Variants in MFRP observed in about 807,000 individuals in gnomAD.
MFRP encodes the protein membrane frizzled-related protein.
In MFRP, 74 loss-of-function variants were observed where a neutral mutation model predicts 65.8. The ratio of observed to expected loss-of-function variants is 1.12; its 90% CI spans 0.93 to 1.36. The LOEUF is 1.36. MFRP is among the 40% of genes most tolerant of loss of function. MFRP has a pLI of 0.00. For synonymous variants in MFRP, 336 were observed against 288.3 expected (o/e 1.17, Z -1.68); for missense variants, 838 against 736.0 (o/e 1.14, Z -1.60).
chr11:119,339,243 AG>A lies in MFRP; in HGVS notation c.*1715del, dbSNP rs1358495672. The A allele has an allele frequency of 6.2e-6, 9 of 1,458,084 alleles. No individual in the cohort carries two copies. The East Asian group carries it at 1.6e-4, about 26-fold the overall frequency. 90.3% of individuals were successfully genotyped at this position (1,458,084 alleles called of 1,614,324 possible). A position where few individuals can be genotyped will look rare whatever the true frequency, so the allele number is the denominator to read the frequency against. ...CCTCCCTAGTCATTCACAATATTCCAGGGGGGCCAGCCCTCCTGGATGACCT... is the reference window on the plus strand; with the variant it reads ...CCTCCCTAGTCATTCACAATATTCCAGGGGGCCAGCCCTCCTGGATGACCT... On this transcript the variant is annotated 3_prime_UTR_variant, in exon 15 of 15. Coordinates refer to ENST00000619721, the MANE Select transcript of MFRP (RefSeq NM_031433.4). This position sits in a 1 kb window ranked among gnomAD's most constrained non-coding sequence, Gnocchi z 5.4.
At chr11:119,346,250 G>A (rs747828039) in intron 2 of MFRP, 22 bp downstream of exon 2, 4 of 1,597,530 alleles carry the variant, frequency 2.5e-6, no homozygotes, top group Non-Finnish European at 3.4e-6. Context: ...TCCTCCCCCA[G>A]GTCACCCCCT....
chr11:119,340,745 A>C lies in MFRP; in HGVS notation c.*803T>G, dbSNP rs1950495291. 2 of 319,322 alleles carry C rather than the reference A, an allele frequency of 6.3e-6. No individual in the cohort carries two copies. The highest frequency in any genetic ancestry group is 6.9e-5 in the South Asian group (2 of 28,848). 19.8% of individuals were successfully genotyped at this position (319,322 alleles called of 1,614,324 possible). On this transcript the variant is annotated 3_prime_UTR_variant, in exon 13 of 15. Coordinates refer to ENST00000619721, the MANE Select transcript of MFRP (RefSeq NM_031433.4). ...TCCTTCGGGGCGCTCGCTACTCCGG[A>C]CCCTCCAGTTGGTGGTGCTCCAGCC...
In MFRP at chr11:119,339,909, C is replaced by T; in HGVS notation, c.*1111-61G>A. The T allele has an allele frequency of 7.0e-7, 1 of 1,427,994 alleles. No individual in the cohort carries two copies. The highest frequency in any genetic ancestry group is 9.1e-7 in the Non-Finnish European group (1 of 1,097,730). The allele number at this position is 1,427,994 out of a possible 1,614,324, so 88.5% of individuals were successfully genotyped here. A position where few individuals can be genotyped will look rare whatever the true frequency, so the allele number is the denominator to read the frequency against. On this transcript the variant is annotated intron_variant, in intron 14 of 14. Coordinates refer to ENST00000619721, the MANE Select transcript of MFRP (RefSeq NM_031433.4). This position sits in a 1 kb window ranked among gnomAD's most constrained non-coding sequence, Gnocchi z 5.4. Reference sequence around the variant, plus strand: ...GGCGGCTCAGCCCGCAGCGGGGCGGCGACTCTAAGGTCACCGTACCCCTCC... The same window carrying T: ...GGCGGCTCAGCCCGCAGCGGGGCGGTGACTCTAAGGTCACCGTACCCCTCC...
intron 11 of MFRP, 42 bp downstream of exon 11, chr11:119,342,554 G>C (rs1459869171): frequency 4.3e-6 from 7 of 1,609,824 alleles, no homozygotes; most frequent in Non-Finnish European, 5.9e-6. Flanking sequence ...CTGTGAGGTG[G>C]GCACCCAGCC....
chr11:119,344,043 C>T, intron 8 of MFRP, 79 bp from the exon 9 acceptor site: 2 of 1,578,264 alleles, frequency 1.3e-6, no homozygotes, highest in Non-Finnish European at 1.7e-6. Context: ...TCTTCTTCCC[C>T]CACTGCTGGC....
rs766079913 is a variant in MFRP, at chr11:119,345,886, A to T, written c.314T>A (p.Leu105Gln). ...GGTCGTGGTAAGGCCTCCGGCAGGC[A>T]GTGGGCTATGGGACGCCCCAGATGG... ...APPSGASHSPLPAGGLTTTTT... is the reference protein window; with the variant it reads ...APPSGASHSPQPAGGLTTTTT... Residue 105 changes from leucine (L) to glutamine (Q), a missense_variant, in exon 4 of 15, where the codon CTG becomes CAG. Physicochemically the swap from Leu to Gln is moderately radical, Grantham distance 113. Transcript: ENST00000619721. 5.0e-6 allele frequency: 8 copies of T among 1,613,546 alleles called. No individual in the cohort carries two copies. The African/African-American group carries it at 1.1e-4, about 22-fold the overall frequency.
intron 9 of MFRP, among the ~76,000 whole-genome samples, chr11:119,343,516 CA>C (rs942452965): frequency 1.3e-5 from 2 of 151,472 alleles, no homozygotes; most frequent in East Asian, 1.9e-4. Flanking sequence ...CACTCTGCCT[CA>C]AAAAAAGAAG....
intron 10 of MFRP, 50 bp from the exon 11 acceptor site, chr11:119,342,777 A>G (rs371250038): frequency 1.2e-5 from 19 of 1,612,970 alleles, no homozygotes; most frequent in Admixed American, 3.3e-5. Flanking sequence ...CTACACCCCC[A>G]GTACCCCCAG....
rs1950504362 is a variant in MFRP, at chr11:119,341,699, G to A, written c.1589C>T (p.Pro530Leu). 6.2e-7 allele frequency: 1 copy of A among 1,613,160 alleles called. No individual in the cohort carries two copies. The highest frequency in any genetic ancestry group is 8.5e-7 in the Non-Finnish European group (1 of 1,180,026). The change falls in exon 13 of 15, where the codon CCA (proline) becomes CTA (leucine). Residue 530 changes from proline (P) to leucine (L), a missense_variant. By Grantham distance (98) the Pro-to-Leu change is moderately conservative. Coordinates refer to ENST00000619721, the MANE Select transcript of MFRP (RefSeq NM_031433.4). Reference sequence around the variant, plus strand: ...GCAAGGGGGCAGAACACTGCCTAGTGGGGTGCAACGGGGCACAAGCAGCCC... The same window carrying A: ...GCAAGGGGGCAGAACACTGCCTAGTAGGGTGCAACGGGGCACAAGCAGCCC... ...LCGLLVPRCT[P>L]LGSVLPPCRS...
chr11:119,341,832 C>T, intron 12 of MFRP, 25 bp downstream of exon 12: 1 of 1,613,744 alleles, frequency 6.2e-7, no homozygotes, highest in Non-Finnish European at 8.5e-7. Flanking sequence ...CCCAGGCCCG[C>T]CCTCCTTCCC....
chr11:119,345,519 G>T lies in MFRP; in HGVS notation c.542C>A (p.Ala181Glu). 6.2e-7 allele frequency: 1 copy of T among 1,614,128 alleles called. No homozygotes were observed. The highest frequency in any genetic ancestry group is 8.5e-7 in the Non-Finnish European group (1 of 1,180,036). The part of the protein sequence containing the change: ...VWHIQVATDH[A>E]IQLKIEALSI... ...GAGGGCTTCGATCTTGAGCTGTATTGCATGGTCTGTGGCCACCTGGATATG... is the reference window on the plus strand; with the variant it reads ...GAGGGCTTCGATCTTGAGCTGTATTTCATGGTCTGTGGCCACCTGGATATG... Residue 181 changes from alanine (A) to glutamate (E), a missense_variant, in exon 5 of 15, where the codon GCA becomes GAA. Transcript: ENST00000619721.
intron 12 of MFRP, 39 bp from the exon 13 acceptor site, chr11:119,341,811 G>A: frequency 6.2e-7 from 1 of 1,613,488 alleles, no homozygotes. Context: ...CTGCTCCCAG[G>A]CTCCTCCCCT....
chr11:119,340,996 C>T lies in MFRP; in HGVS notation c.*552G>A, dbSNP rs190897457. On this transcript the variant is annotated 3_prime_UTR_variant, in exon 13 of 15. Coordinates refer to ENST00000619721, the MANE Select transcript of MFRP (RefSeq NM_031433.4). ...GAGGGGGAGAGAGACTTGAGCTGGGCACAGAGAGGCAGAACTTCGAGAGAC... is the reference window on the plus strand; with the variant it reads ...GAGGGGGAGAGAGACTTGAGCTGGGTACAGAGAGGCAGAACTTCGAGAGAC... 3.1e-4 allele frequency: 56 copies of T among 178,700 alleles called. No homozygotes were observed. Among genetic ancestry groups the T allele is most frequent in the Admixed American group, 9.1e-4 (16 of 17,514 alleles). The allele number at this position is 178,700 out of a possible 1,614,324, so 11.1% of individuals were successfully genotyped here.
Position 119,346,259 on chromosome 11 carries a change from CT to C in MFRP, c.157+12del, listed in dbSNP as rs755864543. The C allele has an allele frequency of 1.2e-6, 2 of 1,607,234 alleles. No homozygotes were observed. Among genetic ancestry groups the C allele is most frequent in the African/African-American group, 2.7e-5 (2 of 74,840 alleles). ...TCTCTGTCCTCCCCCAGGTCACCCC[CT>C]GGGATGGTTACCATGCCAGGGAGCT... On this transcript the variant is annotated intron_variant, in intron 2 of 14. Coordinates refer to ENST00000619721, the MANE Select transcript of MFRP (RefSeq NM_031433.4).
chr11:119,343,430 G>A lies in MFRP; in HGVS notation c.1124+386C>T, dbSNP rs562928463. On this transcript the variant is annotated intron_variant, in intron 9 of 14. Transcript: ENST00000619721. ...TACTTAGGAGGCTGAGGTGGAAGGA[G>A]CACTTGAAGCTGGGAGGTTGAGGCA... is the stretch of plus-strand genomic sequence containing the variant. Among the ~76,000 whole-genome samples the A allele has an allele frequency of 3.9e-5, 6 of 152,312 alleles. No homozygotes were observed. In the South Asian group the frequency reaches 8.3e-4, roughly 21 times the overall value.
chr11:119,342,566 G>A (rs561701695), intron 11 of MFRP, 30 bp downstream of exon 11: 3 of 1,611,880 alleles, frequency 1.9e-6, no homozygotes, highest in African/African-American at 2.7e-5. Flanking sequence ...CACCCAGCCT[G>A]CTCAGGGTCC....
In MFRP at chr11:119,342,948, C is replaced by T. The variant is rs769294778; in HGVS notation, c.1180G>A (p.Val394Met). The T allele has an allele frequency of 6.2e-7, 1 of 1,612,132 alleles. No individual in the cohort carries two copies. Among genetic ancestry groups the T allele is most frequent in the Non-Finnish European group, 8.5e-7 (1 of 1,179,636 alleles). ...ATGCCATGATCTGTCCTAAACAGCA[C>T]AGCCAGCTCATGGTGCGAGGAGACG... ...HLVSSHHELAVLFRTDHGISS... is the reference protein window; with the variant it reads ...HLVSSHHELAMLFRTDHGISS... The change falls in exon 10 of 15, where the codon GTG (valine) becomes ATG (methionine). Residue 394 changes from valine (V) to methionine (M), a missense_variant. Physicochemically the swap from Val to Met is conservative, Grantham distance 21. Coordinates refer to ENST00000619721, the MANE Select transcript of MFRP (RefSeq NM_031433.4).
Position 119,345,837 on chromosome 11 carries a change from G to C in MFRP, c.363C>G (p.Thr121=), listed in dbSNP as rs758083985. Residue 121 remains threonine, a synonymous_variant, in exon 4 of 15, where the codon ACC becomes ACG. Transcript: ENST00000619721. ...TTTTTTPTIT[T]SQAAGTPKGQ... is the part of the protein sequence containing the mutation. ...CTTTAGGGGTCCCAGCTGCCTGAGA[G>C]GTGGTGATGGTGGGGGTGGTGGTGG... The C allele has an allele frequency of 1.2e-6, 2 of 1,613,990 alleles. No homozygotes were observed. Among genetic ancestry groups the C allele is most frequent in the Admixed American group, 3.3e-5 (2 of 60,024 alleles).
Position 119,343,859 on chromosome 11 carries a change from C to T in MFRP, c.1081G>A (p.Val361Met). The T allele has an allele frequency of 6.2e-7, 1 of 1,613,974 alleles. No individual in the cohort carries two copies. The highest frequency in any genetic ancestry group is 2.2e-5 in the East Asian group (1 of 44,874). Residue 361 changes from valine to methionine, a missense_variant, in exon 9 of 15, where the codon GTG (valine) becomes ATG (methionine). Transcript: ENST00000619721. ...GCCCCTGAGCTGCTGGTCTCATACA[C>T]CTCCACGTAGTCAAACTTGCACTCG... ...QDECKFDYVE[V>M]YETSSSGAFS... is the part of the protein sequence containing the mutation.
Sources: allele counts gnomAD v4.1 joint callset (sites outside exome capture counted in the v4.1 genomes callset), GRCh38; gene constraint gnomAD v4.1.1; non-coding constraint Gnocchi (gnomAD v3.1); transcripts MANE v1.5; gene names NCBI Gene and HGNC (gene_info 2026-07-23, HGNC 2026-07-21).